Variants in CYP2J2 observed in about 807,000 individuals in gnomAD.
CYP2J2 encodes cytochrome P450 2J2.
Under a neutral mutation model 48.8 loss-of-function variants are expected in CYP2J2, and 41 were observed. The ratio of observed to expected loss-of-function variants is 0.84; its 90% confidence interval spans 0.66 to 1.09. CYP2J2 has a LOEUF of 1.09. Among genes scored for constraint, CYP2J2 ranks in the 50% least tolerant of loss-of-function variants. The probability of loss-of-function intolerance (pLI) is 0.00; values close to 1 mark genes in which losing one functional copy is unlikely to be tolerated. For synonymous variants in CYP2J2, 221 were observed against 227.1 expected, an observed-to-expected ratio of 0.97 and a Z score of 0.24; for missense variants, 644 against 617.3, an observed-to-expected ratio of 1.04 and a Z score of -0.46.
intron 4 of CYP2J2, among the ~76,000 whole-genome samples, chr1:59,910,630 A>G (rs961445912): frequency 6.6e-6 from 1 of 152,238 alleles, no homozygotes; most frequent in African/African-American, 2.4e-5. Flanking sequence ...AAAAGATGAA[A>G]AAGATACATG....
the CYP2J2 span, among the ~76,000 whole-genome samples, chr1:59,955,130 A>G: frequency 6.7e-6 from 1 of 149,354 alleles, no homozygotes; most frequent in Admixed American, 6.8e-5. Context: ...GAGTGAGACC[A>G]TCTCCAAAAT....
intron 1 of CYP2J2, among the ~76,000 whole-genome samples, chr1:59,922,438 A>C (rs941484128): frequency 6.6e-6 from 1 of 152,236 alleles, no homozygotes; most frequent in African/African-American, 2.4e-5. Flanking sequence ...ATTATAACTA[A>C]ATTTCATAAT....
At chr1:59,941,484 C>G in the CYP2J2 span, among the ~76,000 whole-genome samples, 1 of 152,208 alleles carries the variant, frequency 6.6e-6, no homozygotes, top group Admixed American at 6.5e-5. Context: ...AGTTTATGTA[C>G]TTACTACACT....
the CYP2J2 span, among the ~76,000 whole-genome samples, chr1:59,945,115 G>A: frequency 2.6e-5 from 4 of 152,004 alleles, no homozygotes; most frequent in Non-Finnish European, 4.4e-5. Flanking sequence ...ACAGCTTTGT[G>A]TCATGCTTAA....
the CYP2J2 span, among the ~76,000 whole-genome samples, chr1:59,962,861 C>T: frequency 6.6e-6 from 1 of 152,154 alleles, no homozygotes; most frequent in East Asian, 1.9e-4. Context: ...CCAATTATCC[C>T]ATCAATCTTT....
the CYP2J2 span, among the ~76,000 whole-genome samples, chr1:59,935,027 T>TATATATATATATATATATATATACAC: frequency 1.0e-5 from 1 of 100,140 alleles, no homozygotes; most frequent in East Asian, 2.6e-4. Flanking sequence ...TATATATATA[T>TATATATATATATATATATATATACAC]ATATATATAT....
chr1:59,902,316 C>G (rs576454494), intron 7 of CYP2J2, among the ~76,000 whole-genome samples: 18 of 152,248 alleles, frequency 1.2e-4, no homozygotes, highest in African/African-American at 3.9e-4. Context: ...GTTGTTTTGC[C>G]AGACCTGAGC....
the CYP2J2 span, among the ~76,000 whole-genome samples, chr1:59,940,254 G>A: frequency 2.0e-5 from 3 of 152,278 alleles, no homozygotes; most frequent in South Asian, 6.2e-4. Context: ...ATTGCTGCTG[G>A]TTATAAGGGC....
At chr1:59,911,131 A>G (rs1383584911) in intron 4 of CYP2J2, among the ~76,000 whole-genome samples, 2 of 152,218 alleles carry the variant, frequency 1.3e-5, no homozygotes, top group Non-Finnish European at 2.9e-5. Flanking sequence ...TCAGTACAGA[A>G]CAGATTGACA....
chr1:59,968,375 CCCA>C, the CYP2J2 span, among the ~76,000 whole-genome samples: 3 of 152,136 alleles, frequency 2.0e-5, no homozygotes, highest in Non-Finnish European at 4.4e-5. Context: ...TCCCCAACAG[CCCA>C]CCATTCCCCT....
chr1:59,967,925 C>T, the CYP2J2 span, among the ~76,000 whole-genome samples: 2 of 152,322 alleles, frequency 1.3e-5, no homozygotes, highest in African/African-American at 2.4e-5. Context: ...AACAGCTGCA[C>T]GGTCTACCAA....
chr1:59,924,826 T>A (rs917797333), intron 1 of CYP2J2, among the ~76,000 whole-genome samples: 1 of 151,988 alleles, frequency 6.6e-6, no homozygotes, highest in African/African-American at 2.4e-5. Context: ...TTACATTAAA[T>A]ATAAATAGTC....
upstream of CYP2J2, among the ~76,000 whole-genome samples, chr1:59,929,291 A>G (rs1394983987): frequency 1.3e-5 from 2 of 152,264 alleles, no homozygotes; most frequent in Non-Finnish European, 2.9e-5. Context: ...TTGGGAGAGA[A>G]GAGCAGATCA....
the CYP2J2 span, among the ~76,000 whole-genome samples, chr1:59,956,728 T>C: frequency 5.7e-4 from 86 of 152,166 alleles, no homozygotes; most frequent in Non-Finnish European, 8.5e-4. Flanking sequence ...AAAATAATTT[T>C]AAAAGGAATG....
At chr1:59,896,328 G>GTATATATATATATATATATACACAAAA (rs59615950) in intron 8 of CYP2J2, among the ~76,000 whole-genome samples, 2 of 146,896 alleles carry the variant, frequency 1.4e-5, no homozygotes, top group Admixed American at 6.8e-5. Flanking sequence ...TACACACCAA[G>GTATATATATATATATATATACACAAAA]TATATATATA....
the CYP2J2 span, among the ~76,000 whole-genome samples, chr1:59,940,099 C>T: frequency 6.6e-6 from 1 of 152,134 alleles, no homozygotes; most frequent in Non-Finnish European, 1.5e-5. Context: ...ACTTAAGGTG[C>T]CAAAGTGCCC....
chr1:59,893,912 C>CA (rs1644246854), intron 8 of CYP2J2, 83 bp from the exon 9 acceptor site: 8 of 1,367,224 alleles, frequency 5.9e-6, no homozygotes, highest in African/African-American at 1.5e-5. Context: ...ATCATATCCC[C>CA]AAAAAAATGG....
chr1:59,916,688 G>A (rs1644469162), intron 1 of CYP2J2, among the ~76,000 whole-genome samples: 1 of 152,158 alleles, frequency 6.6e-6, no homozygotes, highest in African/African-American at 2.4e-5. Flanking sequence ...AGCCATGATC[G>A]TGCCATGGCA....
intron 1 of CYP2J2, among the ~76,000 whole-genome samples, chr1:59,921,380 T>G (rs1260420786): frequency 6.6e-6 from 1 of 152,148 alleles, no homozygotes; most frequent in East Asian, 1.9e-4. Flanking sequence ...GAGCCAACAG[T>G]GCCTGATGTG....
Sources: gnomAD v4.1 joint callset for allele counts (sites outside exome capture counted in the v4.1 genomes callset) on GRCh38, gnomAD v4.1.1 for gene constraint, MANE v1.5 for transcripts, NCBI Gene and HGNC (gene_info 2026-07-23, HGNC 2026-07-21) for gene names.